The following PEBP4 variants were observed in gnomAD, a reference collection of about 807,000 sequenced individuals.
PEBP4 encodes the protein phosphatidylethanolamine binding protein 4.
A neutral mutation model predicts 23.9 loss-of-function variants in PEBP4; 22 were observed. The ratio of observed to expected loss-of-function variants is 0.92; its 90% confidence interval spans 0.66 to 1.31. The LOEUF is 1.31. Ranked by LOEUF, PEBP4 falls within the 40% of genes most tolerant of loss-of-function variation. The pLI is 0.00. For missense variants in PEBP4, 324 were observed against 281.7 expected, an observed-to-expected ratio of 1.15 and a Z score of -1.07; for synonymous variants, 112 against 99.3, an observed-to-expected ratio of 1.13 and a Z score of -0.76.
At chr8:22,940,981 G>A (rs564238813) in intron 1 of PEBP4, among the ~76,000 whole-genome samples, 2 of 152,282 alleles carry the variant, frequency 1.3e-5, no homozygotes, top group African/African-American at 4.8e-5. Context: ...CCTGGAGAAC[G>A]AGGGGAGAAA....
At chr8:22,808,254 T>G (rs1340765271) in intron 4 of PEBP4, among the ~76,000 whole-genome samples, 4 of 151,852 alleles carry the variant, frequency 2.6e-5, no homozygotes, top group African/African-American at 7.2e-5. Context: ...CATCCATCCC[T>G]CCATCTATCT....
intron 3 of PEBP4, among the ~76,000 whole-genome samples, chr8:22,854,949 T>TGTGC (rs1197036604): frequency 1.1e-4 from 16 of 150,322 alleles, no homozygotes; most frequent in African/African-American, 3.7e-4. Flanking sequence ...TGTGTGTGTG[T>TGTGC]GTGTGTGCGT....
intron 3 of PEBP4, among the ~76,000 whole-genome samples, chr8:22,846,465 A>G (rs1807438886): frequency 6.6e-6 from 1 of 152,266 alleles, no homozygotes; most frequent in South Asian, 2.1e-4. Flanking sequence ...ATTCTGAGAA[A>G]TCGCATCAGG....
At chr8:22,802,093 T>C (rs2128758933) in intron 4 of PEBP4, among the ~76,000 whole-genome samples, 1 of 152,158 alleles carries the variant, frequency 6.6e-6, no homozygotes, top group South Asian at 2.1e-4. Flanking sequence ...TCCCAGCATC[T>C]CCAGATTCTT....
upstream of PEBP4, among the ~76,000 whole-genome samples, chr8:22,928,949 G>T (rs1024133768): frequency 1.3e-5 from 2 of 152,120 alleles, no homozygotes; most frequent in African/African-American, 4.8e-5. Flanking sequence ...GTAGCAAAAA[G>T]CCCCCCTTAG....
intron 3 of PEBP4, among the ~76,000 whole-genome samples, chr8:22,839,455 T>C (rs1807275925): frequency 6.6e-6 from 1 of 152,184 alleles, no homozygotes; most frequent in Non-Finnish European, 1.5e-5. Flanking sequence ...TGACTGGTCC[T>C]ATCTGGGCCT....
intron 6 of PEBP4, among the ~76,000 whole-genome samples, chr8:22,714,250 A>G (rs1804367968): frequency 6.6e-6 from 1 of 152,188 alleles, no homozygotes; most frequent in Admixed American, 6.5e-5. Flanking sequence ...AAGTGTGAAC[A>G]GGCCTTGTGG....
In PEBP4 at chr8:22,737,217, C is replaced by T. The variant is rs189127443; in HGVS notation, c.358-9997G>A. ...GCTGAGGCAGGAGAATCGCTTGAAC[C>T]CGGAAGCCAGAGGTTGCAGTGAGAT... is the stretch of plus-strand genomic sequence containing the variant. On this transcript the variant is annotated intron_variant, in intron 4 of 6. Coordinates refer to ENST00000256404, the MANE Select transcript of PEBP4 (RefSeq NM_144962.3). Among the ~76,000 whole-genome samples, 1,303 of 151,356 alleles carry T rather than the reference C, an allele frequency of 8.6e-3. 9 individuals carry two copies. Among genetic ancestry groups the T allele is most frequent in the Non-Finnish European group, 0.013 (861 of 67,866 alleles).
chr8:22,722,610 T>C (rs1026385690), intron 6 of PEBP4, among the ~76,000 whole-genome samples: 1 of 152,214 alleles, frequency 6.6e-6, no homozygotes, highest in Non-Finnish European at 1.5e-5. Context: ...CATTGTTGTT[T>C]AATTGTTTCC....
At chr8:22,779,954 C>CT (rs11373695) in intron 4 of PEBP4, among the ~76,000 whole-genome samples, 30,970 of 143,220 alleles carry the variant, frequency 0.22, 3,310 homozygotes, top group East Asian at 0.32. Flanking sequence ...TTTTTAAAAT[C>CT]TTTTTTTTTT....
intron 3 of PEBP4, among the ~76,000 whole-genome samples, chr8:22,845,198 A>G (rs956120883): frequency 6.6e-6 from 1 of 152,110 alleles, no homozygotes; most frequent in African/African-American, 2.4e-5. Flanking sequence ...CAGCTCTGCA[A>G]TGGGCTGCCT....
At chr8:22,882,883 A>G (rs917270736) in intron 3 of PEBP4, among the ~76,000 whole-genome samples, 1 of 152,098 alleles carries the variant, frequency 6.6e-6, no homozygotes, top group African/African-American at 2.4e-5. Context: ...GCCTATTGAA[A>G]TGATTCATAC....
Position 22,820,050 on chromosome 8 carries a change from A to C in PEBP4, c.259-2315T>G, listed in dbSNP as rs541508168. 8.6e-4 allele frequency among the ~76,000 whole-genome samples: 131 copies of C among 152,274 alleles called. 1 individual carries two copies. The highest frequency in any genetic ancestry group is 3.0e-3 in the African/African-American group (124 of 41,568). ...GGAGAGGGGACACGATCCAGAGTGA[A>C]AGTGAAGGGCTAGATCTTGGGTAGA... On this transcript the variant is annotated intron_variant, in intron 3 of 6. Coordinates refer to ENST00000256404, the MANE Select transcript of PEBP4 (RefSeq NM_144962.3).
At chr8:22,729,167 G>A (rs565200688) in intron 4 of PEBP4, among the ~76,000 whole-genome samples, 44 of 152,300 alleles carry the variant, frequency 2.9e-4, no homozygotes, top group African/African-American at 9.4e-4. Flanking sequence ...TCTCCTTGCC[G>A]CCCATCTCTT....
At chr8:22,824,378 T>C (rs545509831) in intron 3 of PEBP4, among the ~76,000 whole-genome samples, 1 of 152,156 alleles carries the variant, frequency 6.6e-6, no homozygotes, top group African/African-American at 2.4e-5. Context: ...CCTGCCCTGA[T>C]GTTCCCCGTG....
intron 1 of PEBP4, among the ~76,000 whole-genome samples, chr8:22,933,423 G>C (rs10112368): frequency 0.42 from 63,225 of 152,030 alleles, 14,001 homozygotes; most frequent in African/African-American, 0.56. Context: ...AAAGCAATAA[G>C]AGAGAAGACT....
intron 3 of PEBP4, among the ~76,000 whole-genome samples, chr8:22,831,661 A>G (rs1176359745): frequency 6.6e-6 from 1 of 152,114 alleles, no homozygotes; most frequent in Admixed American, 6.5e-5. Context: ...GCATATACCT[A>G]GCACTGGAGA....
chr8:22,916,354 G>A (rs1809071657), intron 3 of PEBP4, among the ~76,000 whole-genome samples: 1 of 152,192 alleles, frequency 6.6e-6, no homozygotes, highest in Non-Finnish European at 1.5e-5. Flanking sequence ...CGCCAGGGGA[G>A]AAACGCTTCC....
chr8:22,887,925 T>C (rs921305142), intron 3 of PEBP4: 2 of 152,106 alleles, frequency 1.3e-5, no homozygotes, highest in African/African-American at 4.8e-5. Flanking sequence ...GGAGGGAGGT[T>C]AGCTTTTCAC....
Sources: allele counts gnomAD v4.1 joint callset (sites outside exome capture counted in the v4.1 genomes callset), GRCh38; gene constraint gnomAD v4.1.1; transcripts MANE v1.5; gene names NCBI Gene and HGNC (gene_info 2026-07-23, HGNC 2026-07-21).